Variants in UNC13B observed in about 807,000 individuals in gnomAD.
UNC13B encodes the protein unc-13 homolog B.
In UNC13B, 144 loss-of-function variants were observed where a neutral mutation model predicts 211.0. The observed-to-expected ratio is 0.68, with a 90% CI of 0.60 to 0.78. The LOEUF (loss-of-function observed/expected upper bound fraction) is 0.78, where lower values mean the gene tolerates loss of function less well. Ranked by LOEUF, UNC13B falls within the 30% of genes least tolerant of loss-of-function variation. The pLI, the probability that UNC13B is intolerant of heterozygous loss-of-function variation, is 0.00. For synonymous variants in UNC13B, 709 were observed against 725.8 expected (o/e 0.98, Z 0.37); for missense variants, 1,777 against 2,002.0 (o/e 0.89, Z 2.14).
chr9:35,275,646 G>A (rs1054669254), intron 7 of UNC13B, among the ~76,000 whole-genome samples: 6 of 152,132 alleles, frequency 3.9e-5, no homozygotes, highest in Non-Finnish European at 8.8e-5. Flanking sequence ...AGGTTGGAGC[G>A]TAGTGGTGTG....
At chr9:35,379,872 A>C (rs1320564541) in intron 17 of UNC13B, among the ~76,000 whole-genome samples, 1 of 152,202 alleles carries the variant, frequency 6.6e-6, no homozygotes, top group African/African-American at 2.4e-5. Context: ...CCCAGAAAGC[A>C]ACTGTTGGAG....
chr9:35,322,180 A>G (rs532331983), intron 11 of UNC13B, among the ~76,000 whole-genome samples: 2 of 152,322 alleles, frequency 1.3e-5, no homozygotes, highest in East Asian at 1.9e-4. Flanking sequence ...GTACATGGCC[A>G]TATGTACTTA....
Position 35,304,466 on chromosome 9 carries a change from A to G in UNC13B, c.5062A>G (p.Asn1688Asp). 2.5e-6 allele frequency: 1 copy of G among 398,686 alleles called. No individual in the cohort carries two copies. Among genetic ancestry groups the G allele is most frequent in the Non-Finnish European group, 4.4e-6 (1 of 225,848 alleles). 24.7% of individuals were successfully genotyped at this position (398,686 alleles called of 1,614,324 possible). A position where few individuals can be genotyped will look rare whatever the true frequency, so the allele number is the denominator to read the frequency against. ...DLRNQPQTIS[N>D]HVSSRDQIIE... is the part of the protein sequence containing the mutation. ...CAGAAATCAGCCCCAAACTATTAGT[A>G]ATCATGTCTCAAGCAGAGATCAAAT... Residue 1688 changes from asparagine (N) to aspartate (D), a missense_variant, in exon 9 of 40, where the codon AAT becomes GAT. Coordinates refer to ENST00000635942, the MANE Select transcript of UNC13B (RefSeq NM_001371189.2).
chr9:35,385,543 G>A (rs1408116331), intron 22 of UNC13B, 181 bp from the exon 23 acceptor site: 1 of 985,262 alleles, frequency 1.0e-6, no homozygotes, highest in Non-Finnish European at 1.2e-6. Flanking sequence ...TTTGGCAAGA[G>A]CCTGTTTGCA....
chr9:35,192,859 A>T (rs537388478), intron 1 of UNC13B, among the ~76,000 whole-genome samples: 1 of 152,318 alleles, frequency 6.6e-6, no homozygotes, highest in South Asian at 2.1e-4. Context: ...CTAGAGAGAG[A>T]AGTGACAAAA....
At chr9:35,248,589 A>AT (rs1380872052) in intron 6 of UNC13B, among the ~76,000 whole-genome samples, 2 of 152,028 alleles carry the variant, frequency 1.3e-5, no homozygotes, top group African/African-American at 4.8e-5. Flanking sequence ...GAACATCTTT[A>AT]TTTCTGCCTT....
intron 1 of UNC13B, among the ~76,000 whole-genome samples, chr9:35,165,252 G>T (rs932847278): frequency 6.6e-6 from 1 of 152,070 alleles, no homozygotes; most frequent in East Asian, 1.9e-4. Flanking sequence ...GGTTGAAAAT[G>T]ACAGGAAATT....
At chr9:35,240,065 T>G (rs765344617) in intron 5 of UNC13B, among the ~76,000 whole-genome samples, 13 of 152,198 alleles carry the variant, frequency 8.5e-5, no homozygotes, top group Non-Finnish European at 8.8e-5. Context: ...ATTGGGGAAG[T>G]GATAAGTGTC....
At position 35,404,367 on chromosome 9, in the gene UNC13B, C is replaced by T. The variant is rs1836547455; in HGVS notation, c.*334C>T. 2 of 338,362 alleles carry T rather than the reference C, an allele frequency of 5.9e-6. No individual in the cohort carries two copies. Among genetic ancestry groups the T allele is most frequent in the Middle Eastern group, 8.7e-4 (1 of 1,146 alleles). The allele number at this position is 338,362 out of a possible 1,614,324, so 21.0% of individuals were successfully genotyped here. ...TCCTCATCCCACCTCTACCCATCTC[C>T]ATGCCACACCTTATCCAGTTAGACA... On this transcript the variant is annotated 3_prime_UTR_variant, in exon 40 of 40. Coordinates refer to ENST00000635942, the MANE Select transcript of UNC13B (RefSeq NM_001371189.2).
At chr9:35,355,494 C>G (rs1179284429) in intron 11 of UNC13B, among the ~76,000 whole-genome samples, 1 of 152,186 alleles carries the variant, frequency 6.6e-6, no homozygotes, top group African/African-American at 2.4e-5. Context: ...ACTTTGCATT[C>G]AAGGTCACTG....
chr9:35,403,190 G>T lies in UNC13B; in HGVS notation c.12508G>T (p.Gly4170Ter). The T allele has an allele frequency of 6.2e-7, 1 of 1,614,132 alleles. No individual in the cohort carries two copies. Among genetic ancestry groups the T allele is most frequent in the Non-Finnish European group, 8.5e-7 (1 of 1,180,006 alleles). The stretch of plus-strand genomic sequence containing the variant: ...AGGGTCTGGTGTGGACGATCCTGTG[G>T]GAGAAGTCTCTATTCAGGTGGACTT... ...TQGSGVDDPVGEVSIQVDLFT... is the reference protein window; with the variant it reads ...TQGSGVDDPV The change falls in exon 38 of 40, where the codon GGA becomes TGA. Residue 4170 changes from glycine (G) to a stop codon, truncating the protein, a stop_gained. Transcript: ENST00000635942. LOFTEE classifies it high-confidence loss of function.
rs1245503103 is a variant in UNC13B at position 35,386,098 on chromosome 9, G to A, written c.10966-67G>A. On this transcript the variant is annotated intron_variant, in intron 23 of 39. Coordinates refer to ENST00000635942, the MANE Select transcript of UNC13B (RefSeq NM_001371189.2). ...AAGAATCTAGAGTAGGTTTGGGGTAGTGCTAGGAGAATATCCCACCCAGGT... is the reference window on the plus strand; with the variant it reads ...AAGAATCTAGAGTAGGTTTGGGGTAATGCTAGGAGAATATCCCACCCAGGT... 4.4e-6 allele frequency: 7 copies of A among 1,604,548 alleles called. No homozygotes were observed. The East Asian group carries it at 1.6e-4, about 36-fold the overall frequency.
intron 11 of UNC13B, among the ~76,000 whole-genome samples, chr9:35,329,104 A>C (rs1280543109): frequency 6.6e-6 from 1 of 151,814 alleles, no homozygotes; most frequent in Non-Finnish European, 1.5e-5. Flanking sequence ...TGCCTTTTAA[A>C]TATCTGATAC....
At chr9:35,193,653 G>C (rs1304842649) in intron 1 of UNC13B, among the ~76,000 whole-genome samples, 1 of 116,910 alleles carries the variant, frequency 8.6e-6, no homozygotes, top group Non-Finnish European at 1.7e-5. Flanking sequence ...GCAAGACTCC[G>C]TCTCAAAAAA....
chr9:35,306,507 C>A lies in UNC13B; in HGVS notation c.7103C>A (p.Pro2368His). 2.5e-6 allele frequency: 1 copy of A among 399,048 alleles called. No homozygotes were observed. The highest frequency in any genetic ancestry group is 1.3e-4 in the South Asian group (1 of 7,840). 24.7% of individuals were successfully genotyped at this position (399,048 alleles called of 1,614,324 possible). A position where few individuals can be genotyped will look rare whatever the true frequency, so the allele number is the denominator to read the frequency against. Reference sequence around the variant, plus strand: ...GAGGCTTTCAACCACAAAGCCTTCCCCAGTGACTCACTGTCCAACTCTTTT... The same window carrying A: ...GAGGCTTTCAACCACAAAGCCTTCCACAGTGACTCACTGTCCAACTCTTTT... The part of the protein sequence containing the change: ...EEEAFNHKAF[P>H]SDSLSNSFSH... Residue 2368 changes from proline (P) to histidine (H), a missense_variant, in exon 9 of 40, where the codon CCC becomes CAC. Physicochemically the swap from Pro to His is moderately conservative, Grantham distance 77 (BLOSUM62 -2). Transcript: ENST00000635942.
intron 7 of UNC13B, among the ~76,000 whole-genome samples, chr9:35,281,395 G>T (rs1465826455): frequency 6.8e-6 from 1 of 147,832 alleles, no homozygotes; most frequent in East Asian, 2.0e-4. Context: ...GAGCCTGGGA[G>T]TGAGAGACTG....
chr9:35,375,324 A>T, intron 14 of UNC13B, 123 bp downstream of exon 14: 2 of 1,032,370 alleles, frequency 1.9e-6, no homozygotes, highest in South Asian at 2.7e-5. Context: ...ATTGCTGATG[A>T]AAAAGATAGA....
chr9:35,277,282 A>G (rs916678510), intron 7 of UNC13B, among the ~76,000 whole-genome samples: 5 of 152,294 alleles, frequency 3.3e-5, no homozygotes, highest in African/African-American at 1.2e-4. Context: ...TTGGAAATTT[A>G]CTTTCTCCAG....
intron 11 of UNC13B, among the ~76,000 whole-genome samples, chr9:35,338,459 C>T (rs1424285125): frequency 1.3e-5 from 2 of 152,130 alleles, no homozygotes; most frequent in Admixed American, 6.5e-5. Context: ...ATGGCATGCT[C>T]CTCAGGGAAG....
Sources: allele counts gnomAD v4.1 joint callset (sites outside exome capture counted in the v4.1 genomes callset), GRCh38; gene constraint gnomAD v4.1.1; transcripts MANE v1.5; gene names NCBI Gene and HGNC (gene_info 2026-07-23, HGNC 2026-07-21).